Variants in TLN2 observed in about 807,000 individuals in gnomAD.
The protein encoded by TLN2 is talin-2.
In TLN2, 118 loss-of-function variants were observed where a neutral mutation model predicts 294.7. The ratio of observed to expected loss-of-function variants is 0.40; its 90% confidence interval spans 0.34 to 0.47. The LOEUF (loss-of-function observed/expected upper bound fraction) is 0.47. Ranked by LOEUF, TLN2 falls within the 20% of genes least tolerant of loss-of-function variation. The pLI is 0.84. For missense variants in TLN2, 3,083 were observed against 3,282.2 expected, an observed-to-expected ratio of 0.94 and a Z score of 1.48; for synonymous variants, 1,431 against 1,304.5, an observed-to-expected ratio of 1.10 and a Z score of -2.09.
At chr15:62,724,279 A>G (rs2060315682) in intron 26 of TLN2, among the ~76,000 whole-genome samples, 1 of 152,200 alleles carries the variant, frequency 6.6e-6, no homozygotes, top group South Asian at 2.1e-4. Context: ...ATAGAAATCA[A>G]TTAGTATTTA....
At chr15:62,770,207 G>C (rs145284488) in intron 41 of TLN2, among the ~76,000 whole-genome samples, 1 of 152,196 alleles carries the variant, frequency 6.6e-6, no homozygotes, top group Non-Finnish European at 1.5e-5. Context: ...GCCTCTTAAA[G>C]TTGTGGAGGC....
intron 1 of TLN2, among the ~76,000 whole-genome samples, chr15:62,447,771 C>T (rs547369672): frequency 3.3e-5 from 5 of 152,148 alleles, no homozygotes; most frequent in East Asian, 3.9e-4. Flanking sequence ...AGGATTAGCC[C>T]GGCCCAGAGT....
chr15:62,676,636 A>T (rs2056229288), intron 11 of TLN2, among the ~76,000 whole-genome samples: 1 of 152,134 alleles, frequency 6.6e-6, no homozygotes, highest in Non-Finnish European at 1.5e-5. Context: ...TTTTTTGGAG[A>T]CGGAGTCTCA....
rs1439203704 is a variant in TLN2 at position 62,407,886 on chromosome 15, G to A, written c.-238+17201G>A. ...GCTAAGATCACACCACAATACTCCT[G>A]CCTGGACAACAGAGTGAGAGAGTGA... On this transcript the variant is annotated intron_variant, in intron 1 of 58. Transcript: ENST00000636159. Among the ~76,000 whole-genome samples, 3 of 151,908 alleles carry A rather than the reference G, an allele frequency of 2.0e-5. No individual in the cohort carries two copies. In the East Asian group the frequency reaches 5.8e-4, roughly 29 times the overall value.
chr15:62,472,679 G>C (rs572020496), intron 1 of TLN2, among the ~76,000 whole-genome samples: 28 of 152,328 alleles, frequency 1.8e-4, no homozygotes, highest in African/African-American at 5.0e-4. Flanking sequence ...GATTAGGAAA[G>C]GAGTGTGCCT....
At chr15:62,606,346 C>T (rs1369798710) in intron 2 of TLN2, among the ~76,000 whole-genome samples, 2 of 152,028 alleles carry the variant, frequency 1.3e-5, no homozygotes, top group Middle Eastern at 3.2e-3. Context: ...CCACCTCAGC[C>T]TCCCAAAGCG....
chr15:62,582,714 G>C (rs1330957317), intron 1 of TLN2, among the ~76,000 whole-genome samples: 1 of 152,182 alleles, frequency 6.6e-6, no homozygotes, highest in East Asian at 1.9e-4. Context: ...AGGTGAGGAA[G>C]TGGGTATCTG....
intron 1 of TLN2, among the ~76,000 whole-genome samples, chr15:62,579,668 C>T (rs747742734): frequency 1.1e-4 from 16 of 152,066 alleles, no homozygotes; most frequent in South Asian, 2.1e-4. Context: ...AGAGGATGCC[C>T]CTCCTTCTCC....
intron 24 of TLN2, among the ~76,000 whole-genome samples, chr15:62,718,964 A>G (rs765238604): frequency 3.0e-4 from 45 of 152,218 alleles, no homozygotes; most frequent in Admixed American, 1.2e-3. Context: ...GAAAAATTCC[A>G]TGGAAATATT....
chr15:62,720,594 C>T (rs1194076921), intron 25 of TLN2, among the ~76,000 whole-genome samples: 1 of 151,692 alleles, frequency 6.6e-6, no homozygotes, highest in Non-Finnish European at 1.5e-5. Flanking sequence ...AGAAATAAAA[C>T]ATGAAAGGTT....
In TLN2 at chr15:62,547,000, G is replaced by A. The variant is rs951816099; in HGVS notation, c.-237-42687G>A. ...ATTTAGGAACCAGGAAAAGACCAGC[G>A]TTAATCAGGGAGGAAAGGGGATAAA... On this transcript the variant is annotated intron_variant, in intron 1 of 58. Transcript: ENST00000636159. Among the ~76,000 whole-genome samples the A allele has an allele frequency of 3.9e-5, 6 of 152,250 alleles. No homozygotes were observed. In the East Asian group the frequency reaches 7.7e-4, roughly 20 times the overall value.
At chr15:62,441,815 A>G (rs764129727) in intron 1 of TLN2, among the ~76,000 whole-genome samples, 3 of 152,158 alleles carry the variant, frequency 2.0e-5, no homozygotes, top group Non-Finnish European at 2.9e-5. Context: ...TCTATTAACA[A>G]CATGAAGGAC....
intron 11 of TLN2, among the ~76,000 whole-genome samples, chr15:62,676,738 C>T (rs2056246591): frequency 6.6e-6 from 1 of 152,182 alleles, no homozygotes; most frequent in Admixed American, 6.5e-5. Flanking sequence ...CCTCACCCTC[C>T]CAAGTAGCTG....
intron 28 of TLN2, among the ~76,000 whole-genome samples, chr15:62,729,731 A>G (rs1391678158): frequency 2.6e-5 from 4 of 151,972 alleles, no homozygotes; most frequent in Non-Finnish European, 5.9e-5. Flanking sequence ...TATTTTGTGT[A>G]TTTATAGGTA....
chr15:62,836,176 C>CATCA, intron 57 of TLN2, 103 bp downstream of exon 57: 3 of 1,476,600 alleles, frequency 2.0e-6, no homozygotes, highest in Admixed American at 4.0e-5. Flanking sequence ...CCAGGCCTTC[C>CATCA]ATCAGCCAGC....
chr15:62,833,757 C>A (rs1190628647), intron 55 of TLN2, 128 bp downstream of exon 55: 2 of 1,362,020 alleles, frequency 1.5e-6, no homozygotes, highest in Non-Finnish European at 1.9e-6. Flanking sequence ...CCTGAATTGC[C>A]ACTCTCTGTG....
chr15:62,735,677 T>C (rs1428565830), intron 28 of TLN2, among the ~76,000 whole-genome samples: 1 of 152,224 alleles, frequency 6.6e-6, no homozygotes, highest in Non-Finnish European at 1.5e-5. Flanking sequence ...TTTTGTAGTA[T>C]CTTCTAAAGC....
At position 62,679,749 on chromosome 15, in the gene TLN2, A is replaced by G. The variant is rs577584219; in HGVS notation, c.957+4428A>G. On this transcript the variant is annotated intron_variant, in intron 11 of 58. Transcript: ENST00000636159. ...TGTGCTCTTCATCAGGTTTCCTCCA[A>G]TGCTAACAATGGTACAGTAACACAG... 5.3e-4 allele frequency among the ~76,000 whole-genome samples: 81 copies of G among 152,378 alleles called. 1 individual carries two copies. The East Asian group carries it at 7.1e-3, about 13-fold the overall frequency.
rs12900862 is a variant in TLN2 at position 62,738,199 on chromosome 15, T to C, written c.3568-15T>C. 1 allele frequency: 1,608,195 copies of C among 1,612,998 alleles called. 801,807 individuals carry two copies. Among genetic ancestry groups the C allele is most frequent in the East Asian group, 1 (44,839 of 44,840 alleles). On this transcript the variant is annotated splice_polypyrimidine_tract_variant and intron_variant, in intron 29 of 58. Coordinates refer to ENST00000636159, the MANE Select transcript of TLN2 (RefSeq NM_015059.3). ...GTTTGTACTTAAAGGTGCTTCTCTC[T>C]CTCCACGAATTCAGGTGGCTAAAGC...
Sources: allele counts gnomAD v4.1 joint callset (sites outside exome capture counted in the v4.1 genomes callset), GRCh38; gene constraint gnomAD v4.1.1; transcripts MANE v1.5; gene names NCBI Gene and HGNC (gene_info 2026-07-23, HGNC 2026-07-21).